Variants in MAP3K20 observed in about 807,000 individuals in gnomAD.
The protein encoded by MAP3K20 is HCCS-4.
Under a neutral mutation model 85.7 loss-of-function variants are expected in MAP3K20, and 40 were observed. That is an observed-to-expected ratio of 0.47 (90% CI 0.36 to 0.61). The LOEUF is 0.61. MAP3K20 is among the 20% of genes least tolerant of loss of function. MAP3K20 has a pLI of 0.00. For missense variants in MAP3K20, 817 were observed against 961.7 expected (o/e 0.85, Z 1.99); for synonymous variants, 325 against 327.7 (o/e 0.99, Z 0.09).
intron 2 of MAP3K20, among the ~76,000 whole-genome samples, chr2:173,123,750 T>A (rs1452611949): frequency 6.6e-6 from 1 of 151,670 alleles, no homozygotes; most frequent in Non-Finnish European, 1.5e-5. Flanking sequence ...ATTCAACTGA[T>A]GTTGTAATTC....
In MAP3K20 at chr2:173,209,974, T is replaced by C. The variant is rs951327663; in HGVS notation, c.851+139T>C. On this transcript the variant is annotated intron_variant, in intron 10 of 19. Transcript: ENST00000375213. ...AGGGAAAAAGAAAAGGTTTTTTTTA[T>C]GATTTTGGAACTCTTATAAGTCCTG... The C allele has an allele frequency of 9.2e-6, 7 of 759,752 alleles. No individual in the cohort carries two copies. The African/African-American group carries it at 1.2e-4, about 13-fold the overall frequency. 47.1% of individuals were successfully genotyped at this position (759,752 alleles called of 1,614,324 possible). A position where few individuals can be genotyped will look rare whatever the true frequency, so the allele number is the denominator to read the frequency against.
chr2:173,195,226 T>C (rs1332364354), intron 7 of MAP3K20, among the ~76,000 whole-genome samples: 1 of 145,156 alleles, frequency 6.9e-6, no homozygotes, highest in Non-Finnish European at 1.5e-5. Context: ...CTAATGACAA[T>C]GCAGAAAGGA....
At chr2:173,241,195 CAAT>C (rs1163846101) in intron 16 of MAP3K20, among the ~76,000 whole-genome samples, 3 of 152,006 alleles carry the variant, frequency 2.0e-5, no homozygotes, top group Non-Finnish European at 2.9e-5. Flanking sequence ...CTACAGTCAA[CAAT>C]AATTATATGT....
chr2:173,263,639 A>G lies in MAP3K20; in HGVS notation c.1552-106A>G, dbSNP rs1166333431. ...TTCTAAGAGGTGAAACTGAAGTGATATAATAACCTGGATGACTTTCTTTCC... is the reference window on the plus strand; with the variant it reads ...TTCTAAGAGGTGAAACTGAAGTGATGTAATAACCTGGATGACTTTCTTTCC... On this transcript the variant is annotated intron_variant, in intron 18 of 19. Coordinates refer to ENST00000375213, the MANE Select transcript of MAP3K20 (RefSeq NM_016653.3). The G allele has an allele frequency of 1.1e-5, 13 of 1,137,864 alleles. No individual in the cohort carries two copies. In the South Asian group the frequency reaches 1.9e-4, roughly 17 times the overall value. 70.5% of individuals were successfully genotyped at this position (1,137,864 alleles called of 1,614,324 possible). A position where few individuals can be genotyped will look rare whatever the true frequency, so the allele number is the denominator to read the frequency against.
At position 173,163,434 on chromosome 2, in the gene MAP3K20, A is replaced by C. The variant is rs548651928; in HGVS notation, c.160-6371A>C. 5.3e-5 allele frequency among the ~76,000 whole-genome samples: 8 copies of C among 152,326 alleles called. No individual in the cohort carries two copies. In the South Asian group the frequency reaches 1.0e-3, roughly 20 times the overall value. ...AGGATAATGGCCTCCAGCTCCATCC[A>C]TGTTTCTGCAAAGGACATAATCTTG... On this transcript the variant is annotated intron_variant, in intron 2 of 19. Coordinates refer to ENST00000375213, the MANE Select transcript of MAP3K20 (RefSeq NM_016653.3).
chr2:173,213,263 G>C (rs147487388), intron 10 of MAP3K20, among the ~76,000 whole-genome samples: 1 of 150,636 alleles, frequency 6.6e-6, no homozygotes, highest in Non-Finnish European at 1.5e-5. Context: ...GATTGAGAAC[G>C]GGGGGGAAAA....
chr2:173,242,321 C>G (rs1451138294), intron 16 of MAP3K20, among the ~76,000 whole-genome samples: 1 of 151,768 alleles, frequency 6.6e-6, no homozygotes, highest in Non-Finnish European at 1.5e-5. Context: ...AGTCGCGTGC[C>G]AACACACCCA....
At chr2:173,108,737 AC>A (rs571575401) in intron 2 of MAP3K20, among the ~76,000 whole-genome samples, 208 of 152,328 alleles carry the variant, frequency 1.4e-3, no homozygotes, top group African/African-American at 4.9e-3. Flanking sequence ...AATGCCTTCG[AC>A]CTATCATCCT....
At chr2:173,117,342 A>T (rs1038347039) in intron 2 of MAP3K20, among the ~76,000 whole-genome samples, 1 of 152,064 alleles carries the variant, frequency 6.6e-6, no homozygotes, top group Non-Finnish European at 1.5e-5. Context: ...GCAGTGGCAC[A>T]ATCACGGCTC....
Position 173,208,503 on chromosome 2 carries a change from G to A in MAP3K20, c.745-1226G>A, listed in dbSNP as rs1368028007. Among the ~76,000 whole-genome samples the A allele has an allele frequency of 2.0e-5, 3 of 152,134 alleles. No individual in the cohort carries two copies. In the East Asian group the frequency reaches 5.8e-4, roughly 29 times the overall value. On this transcript the variant is annotated intron_variant, in intron 9 of 19. Coordinates refer to ENST00000375213, the MANE Select transcript of MAP3K20 (RefSeq NM_016653.3). ...GAACATTTTTCAAGCTTCCTACTTA[G>A]GGCATTTTCCTCTTTGCTTATTAGA...
chr2:173,200,808 T>C (rs1691031166), intron 8 of MAP3K20, among the ~76,000 whole-genome samples: 1 of 152,114 alleles, frequency 6.6e-6, no homozygotes, highest in Non-Finnish European at 1.5e-5. Context: ...GTTTTTTTAT[T>C]TTTAGTAGAA....
intron 2 of MAP3K20, among the ~76,000 whole-genome samples, chr2:173,093,636 A>T (rs1036904341): frequency 2.6e-5 from 4 of 152,162 alleles, no homozygotes; most frequent in South Asian, 2.1e-4. Flanking sequence ...ATTTAAAAAA[A>T]TTTTTATATA....
intron 18 of MAP3K20, among the ~76,000 whole-genome samples, chr2:173,262,795 A>G (rs1297795568): frequency 6.6e-6 from 1 of 152,158 alleles, no homozygotes; most frequent in Non-Finnish European, 1.5e-5. Flanking sequence ...CAAACAAAAG[A>G]GGCTGGTTGG....
chr2:173,198,115 A>G lies in MAP3K20; in HGVS notation c.669+3A>G. 1 of 1,611,736 alleles carries G rather than the reference A, an allele frequency of 6.2e-7. No homozygotes were observed. The highest frequency in any genetic ancestry group is 1.1e-5 in the South Asian group (1 of 90,908). ...GGCTTGTAGTGGAAAAAAACGAGGT[A>G]AGACTACGTTTCTCCATTCAGGTAC... is the stretch of plus-strand genomic sequence containing the variant. On this transcript the variant is annotated splice_donor_region_variant and intron_variant, in intron 8 of 19. Coordinates refer to ENST00000375213, the MANE Select transcript of MAP3K20 (RefSeq NM_016653.3). This position sits in a 1 kb window ranked among gnomAD's most constrained non-coding sequence, Gnocchi z 5.8.
Position 173,190,942 on chromosome 2 carries a change from CT to C in MAP3K20, c.444+21del. 1 of 1,605,442 alleles carries C rather than the reference CT, an allele frequency of 6.2e-7. No individual in the cohort carries two copies. Among genetic ancestry groups the C allele is most frequent in the Non-Finnish European group, 8.5e-7 (1 of 1,175,958 alleles). ...ATTGAAGGTAGGACTATTTCTTTTA[CT>C]TAAAAAAATTGTTAATTTCAGATGT... is the stretch of plus-strand genomic sequence containing the variant. On this transcript the variant is annotated intron_variant, in intron 6 of 19. Transcript: ENST00000375213.
chr2:173,148,843 A>T (rs1689213158), intron 2 of MAP3K20, among the ~76,000 whole-genome samples: 1 of 152,188 alleles, frequency 6.6e-6, no homozygotes, highest in Non-Finnish European at 1.5e-5. Flanking sequence ...TTGATGTTCG[A>T]TGATGAAGGG....
chr2:173,143,788 A>C (rs1003407251), intron 2 of MAP3K20, among the ~76,000 whole-genome samples: 2 of 152,222 alleles, frequency 1.3e-5, no homozygotes, highest in Non-Finnish European at 2.9e-5. Context: ...AAAAATCTAC[A>C]AAACAAATAC....
At chr2:173,129,664 T>C (rs1688551057) in intron 2 of MAP3K20, among the ~76,000 whole-genome samples, 1 of 152,244 alleles carries the variant, frequency 6.6e-6, no homozygotes, top group Non-Finnish European at 1.5e-5. Flanking sequence ...TTTGTAACTG[T>C]TGCATTTGTG....
intron 11 of MAP3K20, chr2:173,226,430 G>T: frequency 7.1e-6 from 7 of 985,366 alleles, no homozygotes; most frequent in Non-Finnish European, 8.4e-6. Context: ...TCTATAATCA[G>T]GCACCTTTTG....
Sources: allele counts gnomAD v4.1 joint callset (sites outside exome capture counted in the v4.1 genomes callset), GRCh38; gene constraint gnomAD v4.1.1; non-coding constraint Gnocchi (gnomAD v3.1); transcripts MANE v1.5; gene names NCBI Gene and HGNC (gene_info 2026-07-23, HGNC 2026-07-21).